Variants in KMT2B observed in about 807,000 individuals in gnomAD.
The protein encoded by KMT2B is lysine methyltransferase 2B.
A neutral mutation model predicts 255.3 loss-of-function variants in KMT2B; 22 were observed. The observed-to-expected ratio is 0.09, with a 90% CI of 0.06 to 0.12. KMT2B has a LOEUF of 0.12. Ranked by LOEUF, KMT2B falls within the 10% of genes least tolerant of loss-of-function variation. The pLI, the probability that KMT2B is intolerant of heterozygous loss-of-function variation, is 1.00. For synonymous variants in KMT2B, 1,730 were observed against 1,498.1 expected (o/e 1.15, Z -3.57); for missense variants, 3,149 against 3,737.0 (o/e 0.84, Z 4.10).
intron 26 of KMT2B, among the ~76,000 whole-genome samples, chr19:35,731,238 G>A (rs1158343558): frequency 6.6e-6 from 1 of 152,222 alleles, no homozygotes; most frequent in East Asian, 1.9e-4. Flanking sequence ...TAGGGAAGCT[G>A]GAATTGGAAC....
At position 35,733,932 on chromosome 19, in the gene KMT2B, C is replaced by G. The variant is rs1439749641; in HGVS notation, c.7159+60C>G. ...GTGCCTGGCTCAGCTGGGTGACTCA[C>G]AGATGCAAAATCAGCCCTCTTTCAA... On this transcript the variant is annotated intron_variant, in intron 30 of 36. Coordinates refer to ENST00000420124, the MANE Select transcript of KMT2B (RefSeq NM_014727.3). This position sits in a 1 kb window ranked among gnomAD's most constrained non-coding sequence, Gnocchi z 4.3. The G allele has an allele frequency of 3.2e-6, 4 of 1,249,594 alleles. 1 individual carries two copies. The South Asian group carries it at 5.0e-5, about 16-fold the overall frequency. 77.4% of individuals were successfully genotyped at this position (1,249,594 alleles called of 1,614,324 possible). A position where few individuals can be genotyped will look rare whatever the true frequency, so the allele number is the denominator to read the frequency against.
At position 35,725,414 on chromosome 19, in the gene KMT2B, G is replaced by T; in HGVS notation, c.3643-65G>T. ...TGATTCCTTGGGCCCTCTCAGCTGG[G>T]TCTCATCCCTTGGCCCTCTGGCCTC... On this transcript the variant is annotated intron_variant, in intron 11 of 36. Transcript: ENST00000420124. This position sits in a 1 kb window ranked among gnomAD's most constrained non-coding sequence, Gnocchi z 4.1. The T allele has an allele frequency of 6.3e-7, 1 of 1,592,930 alleles. No individual in the cohort carries two copies. Among genetic ancestry groups the T allele is most frequent in the Non-Finnish European group, 8.5e-7 (1 of 1,169,656 alleles).
chr19:35,719,046 C>T (rs1227679132), intron 1 of KMT2B, among the ~76,000 whole-genome samples: 1 of 152,176 alleles, frequency 6.6e-6, no homozygotes, highest in Non-Finnish European at 1.5e-5. Flanking sequence ...ATCTGATGCC[C>T]TCCCCGCCCC....
chr19:35,732,173 C>T lies in KMT2B; in HGVS notation c.5665+38C>T, dbSNP rs116950221. The T allele has an allele frequency of 2.0e-4, 310 of 1,568,980 alleles. No individual in the cohort carries two copies. The East Asian group carries it at 3.4e-3, about 17-fold the overall frequency. ...CATGTGGGGGTTGGGGGTGGAGCCG[C>T]GGAGGTGGGAGCTGCTGGTAACACC... On this transcript the variant is annotated intron_variant, in intron 27 of 36. Transcript: ENST00000420124.
At position 35,725,359 on chromosome 19, in the gene KMT2B, A is replaced by G; in HGVS notation, c.3642+26A>G. The G allele has an allele frequency of 6.4e-7, 1 of 1,554,930 alleles. No homozygotes were observed. Among genetic ancestry groups the G allele is most frequent in the Non-Finnish European group, 8.7e-7 (1 of 1,150,338 alleles). On this transcript the variant is annotated intron_variant, in intron 11 of 36. Transcript: ENST00000420124. This position sits in a 1 kb window ranked among gnomAD's most constrained non-coding sequence, Gnocchi z 4.1. ...GTTAGATCTCTGCCTTTCTTCACAGACCCCCAGCTCTCTGTCGGTCCTCAC... is the reference window on the plus strand; with the variant it reads ...GTTAGATCTCTGCCTTTCTTCACAGGCCCCCAGCTCTCTGTCGGTCCTCAC...
At position 35,733,416 on chromosome 19, in the gene KMT2B, G is replaced by T; in HGVS notation, c.6867G>T (p.Pro2289=). 2 of 1,539,396 alleles carry T rather than the reference G, an allele frequency of 1.3e-6. No individual in the cohort carries two copies. Among genetic ancestry groups the T allele is most frequent in the East Asian group, 5.0e-5 (2 of 39,890 alleles). ...TGTCCACTTTCTCCGGCCGGTCCCCGCCAGCACCTCCCCCATACAAAGCCC... is the reference window on the plus strand; with the variant it reads ...TGTCCACTTTCTCCGGCCGGTCCCCTCCAGCACCTCCCCCATACAAAGCCC... ...KRVSTFSGRS[P]PAPPPYKAPR... The change falls in exon 28 of 37, where the codon CCG becomes CCT. Residue 2289 remains proline (P), a synonymous_variant. Coordinates refer to ENST00000420124, the MANE Select transcript of KMT2B (RefSeq NM_014727.3). The surrounding 1 kb of genome is among the most constrained non-coding windows in gnomAD (Gnocchi z 4.3).
In KMT2B at chr19:35,722,461, G is replaced by T; in HGVS notation, c.2560G>T (p.Glu854Ter). Residue 854 changes from glutamate to a stop codon, truncating the protein, a stop_gained, in exon 4 of 37, where the codon GAG becomes TAG. Coordinates refer to ENST00000420124, the MANE Select transcript of KMT2B (RefSeq NM_014727.3). LOFTEE classifies it high-confidence loss of function. Reference protein sequence around the residue: ...SEDESVEAKRERPSGPESPVQ... With the variant: ...SEDESVEAKR ...AGATGAGTCGGTGGAAGCTAAGAGA[G>T]AGCGGCCCTCAGTATGCATCGGGAG... The T allele has an allele frequency of 6.2e-7, 1 of 1,608,134 alleles. No homozygotes were observed.
intron 2 of KMT2B, 52 bp downstream of exon 2, chr19:35,719,593 C>T (rs1969098184): frequency 2.6e-6 from 4 of 1,542,088 alleles, no homozygotes; most frequent in Admixed American, 1.8e-5. Context: ...TTTATCCTCG[C>T]CCTTCGTGTC....
chr19:35,727,763 C>T lies in KMT2B; in HGVS notation c.4368C>T (p.Phe1456=), dbSNP rs201875104. 3.2e-5 allele frequency: 51 copies of T among 1,613,882 alleles called. No individual in the cohort carries two copies. The highest frequency in any genetic ancestry group is 2.5e-4 in the South Asian group (23 of 91,088). The change falls in exon 17 of 37, where the codon TTC becomes TTT. Residue 1456 remains phenylalanine, a synonymous_variant. Coordinates refer to ENST00000420124, the MANE Select transcript of KMT2B (RefSeq NM_014727.3). This position sits in a 1 kb window ranked among gnomAD's most constrained non-coding sequence, Gnocchi z 4.2. Reference sequence around the variant, plus strand: ...GCCTGCAAGCTGTGAGTCAGCGCTTCGAGGATGGCCACTACAAGTCTGTGG... The same window carrying T: ...GCCTGCAAGCTGTGAGTCAGCGCTTTGAGGATGGCCACTACAAGTCTGTGG... The part of the protein sequence containing the change: ...PCGLQAVSQR[F]EDGHYKSVHS...
At position 35,725,896 on chromosome 19, in the gene KMT2B, C is replaced by G; in HGVS notation, c.3885+78C>G. 1 of 1,215,096 alleles carries G rather than the reference C, an allele frequency of 8.2e-7. No individual in the cohort carries two copies. The highest frequency in any genetic ancestry group is 1.2e-6 in the Non-Finnish European group (1 of 842,506). 75.3% of individuals were successfully genotyped at this position (1,215,096 alleles called of 1,614,324 possible). On this transcript the variant is annotated intron_variant, in intron 13 of 36. Transcript: ENST00000420124. The surrounding 1 kb of genome is among the most constrained non-coding windows in gnomAD (Gnocchi z 4.1). ...CCCCCAAACTTGCTCTAGGCTGGGGCTCTCAGGAGGAGCAGAGGTTGGGGA... is the reference window on the plus strand; with the variant it reads ...CCCCCAAACTTGCTCTAGGCTGGGGGTCTCAGGAGGAGCAGAGGTTGGGGA...
intron 22 of KMT2B, among the ~76,000 whole-genome samples, chr19:35,729,521 G>A (rs1568378045): frequency 6.6e-6 from 1 of 152,186 alleles, no homozygotes; most frequent in Non-Finnish European, 1.5e-5. Flanking sequence ...TGAGAAGAGT[G>A]CCCATTGATT....
chr19:35,721,818 C>T lies in KMT2B; in HGVS notation c.2457+14C>T, dbSNP rs1214328153. 1.3e-6 allele frequency: 2 copies of T among 1,552,416 alleles called. No homozygotes were observed. Among genetic ancestry groups the T allele is most frequent in the Non-Finnish European group, 8.7e-7 (1 of 1,149,540 alleles). On this transcript the variant is annotated intron_variant, in intron 3 of 36. Coordinates refer to ENST00000420124, the MANE Select transcript of KMT2B (RefSeq NM_014727.3). ...GCTTCCATGCCGGTGAGTGTGGTCC[C>T]TGGGCCCAGCGGCACACCCAGCCAT...
chr19:35,732,083 G>T lies in KMT2B; in HGVS notation c.5613G>T (p.Ser1871=). The T allele has an allele frequency of 6.2e-7, 1 of 1,608,022 alleles. No individual in the cohort carries two copies. The highest frequency in any genetic ancestry group is 1.3e-5 in the African/African-American group (1 of 74,746). Residue 1871 remains serine, a synonymous_variant, in exon 27 of 37, where the codon TCG becomes TCT. Transcript: ENST00000420124. The part of the protein sequence containing the change: ...SGARIKVPNY[S]PSRRPLGGVS... ...CTCGAATCAAAGTGCCCAACTACTCGCCATCCCGGAGGCCCTTGGGGGGTG... is the reference window on the plus strand; with the variant it reads ...CTCGAATCAAAGTGCCCAACTACTCTCCATCCCGGAGGCCCTTGGGGGGTG...
intron 8 of KMT2B, among the ~76,000 whole-genome samples, chr19:35,724,315 A>G (rs1185617798): frequency 6.6e-6 from 1 of 152,140 alleles, no homozygotes; most frequent in African/African-American, 2.4e-5. Context: ...AGCCTGGGCA[A>G]CATAGTGGGA....
chr19:35,723,582 C>T lies in KMT2B; in HGVS notation c.3058+80C>T. 2.9e-6 allele frequency: 4 copies of T among 1,383,936 alleles called. No individual in the cohort carries two copies. Among genetic ancestry groups the T allele is most frequent in the Non-Finnish European group, 3.0e-6 (3 of 1,014,642 alleles). The allele number at this position is 1,383,936 out of a possible 1,614,324, so 85.7% of individuals were successfully genotyped here. ...GGAGGGAGCTGTTTTTCTTTGCTCT[C>T]CTCCCTTGCAGCTCACCCTCTCCAT... On this transcript the variant is annotated intron_variant, in intron 7 of 36. Transcript: ENST00000420124. The surrounding 1 kb of genome is among the most constrained non-coding windows in gnomAD (Gnocchi z 7.5).
chr19:35,735,200 T>G (rs1172668702), intron 30 of KMT2B: 1 of 151,318 alleles, frequency 6.6e-6, no homozygotes. Context: ...ACGGCAGGAG[T>G]GTTGCTTTAG....
In KMT2B at chr19:35,732,739, G is replaced by A; in HGVS notation, c.6190G>A (p.Val2064Met). ...GAPRIEQLDGVDDGTDSEAEA... is the reference protein window; with the variant it reads ...GAPRIEQLDGMDDGTDSEAEA... ...CCCCCGCATTGAACAGCTGGACGGC[G>A]TGGACGACGGCACTGACAGTGAGGC... The change falls in exon 28 of 37, where the codon GTG (valine) becomes ATG (methionine). Residue 2064 changes from valine (V) to methionine (M), a missense_variant. By Grantham distance (21) the Val-to-Met change is conservative (BLOSUM62 1). Coordinates refer to ENST00000420124, the MANE Select transcript of KMT2B (RefSeq NM_014727.3). 1 of 1,610,470 alleles carries A rather than the reference G, an allele frequency of 6.2e-7. No individual in the cohort carries two copies.
Position 35,721,685 on chromosome 19 carries a change from G to T in KMT2B, c.2338G>T (p.Val780Leu), listed in dbSNP as rs766067022. 1 of 1,611,370 alleles carries T rather than the reference G, an allele frequency of 6.2e-7. No homozygotes were observed. Among genetic ancestry groups the T allele is most frequent in the Non-Finnish European group, 8.5e-7 (1 of 1,178,620 alleles). Residue 780 changes from valine to leucine, a missense_variant, in exon 3 of 37, where the codon GTG (valine) becomes TTG (leucine). Val to Leu is a conservative substitution (Grantham distance 32, BLOSUM62 1). Around this residue, in one of 18 missense-constraint regions of KMT2B, gnomAD observed 1,188 missense variants for 1,106.4 expected, o/e 1.07. Transcript: ENST00000420124. Reference sequence around the variant, plus strand: ...CCTGGAAAAAGCCCGGATTGCGGGCGTGGGTTCCTTGCCGCTGTCTGGGGT... The same window carrying T: ...CCTGGAAAAAGCCCGGATTGCGGGCTTGGGTTCCTTGCCGCTGTCTGGGGT... ...PPLEKARIAG[V>L]GSLPLSGVEE... is the part of the protein sequence containing the mutation.
In KMT2B at chr19:35,738,581, C is replaced by T; in HGVS notation, c.*24C>T. The T allele has an allele frequency of 1.2e-6, 2 of 1,602,590 alleles. No homozygotes were observed. Among genetic ancestry groups the T allele is most frequent in the Non-Finnish European group, 1.7e-6 (2 of 1,172,540 alleles). ...GAGGCCGTGGCTGCCCACCACGACC[C>T]CTCACACCTCCTGCTGCCGTCGCTG... On this transcript the variant is annotated 3_prime_UTR_variant, in exon 37 of 37. Coordinates refer to ENST00000420124, the MANE Select transcript of KMT2B (RefSeq NM_014727.3). This position sits in a 1 kb window ranked among gnomAD's most constrained non-coding sequence, Gnocchi z 8.7.
Sources: gnomAD v4.1 joint callset for allele counts (sites outside exome capture counted in the v4.1 genomes callset) on GRCh38, gnomAD v4.1.1 for gene constraint, gnomAD v4.1.1 regional missense constraint, Gnocchi (gnomAD v3.1) non-coding constraint, MANE v1.5 for transcripts, NCBI Gene and HGNC (gene_info 2026-07-23, HGNC 2026-07-21) for gene names.